The following LRRC37A2 variants were observed in gnomAD, a reference collection of about 807,000 sequenced individuals.
The protein encoded by LRRC37A2 is leucine rich repeat containing 37 member A2.
LRRC37A2 carries 9 observed loss-of-function variants against 68.8 expected under a neutral mutation model. The ratio of observed to expected loss-of-function variants is 0.13; its 90% CI spans 0.08 to 0.23. LRRC37A2 has a LOEUF of 0.23. Ranked by LOEUF, LRRC37A2 falls within the 10% of genes least tolerant of loss-of-function variation. The pLI, the probability that LRRC37A2 is intolerant of heterozygous loss-of-function variation, is 1.00. For synonymous variants in LRRC37A2, 63 were observed against 367.6 expected, an observed-to-expected ratio of 0.17 and a Z score of 9.48; for missense variants, 168 against 950.4, an observed-to-expected ratio of 0.18 and a Z score of 10.82.
At chr17:46,940,251 T>C in the LRRC37A2 span, 1 of 1,422,886 alleles carries the variant, frequency 7.0e-7, no homozygotes. Context: ...ATTTCACACT[T>C]TCGGTTGGAG....
chr17:47,033,149 G>A, the LRRC37A2 span: 3 of 586,772 alleles, frequency 5.1e-6, no homozygotes, highest in Non-Finnish European at 8.9e-6. Flanking sequence ...TCCAGGAGGT[G>A]GAGTTTGCAG....
the LRRC37A2 span, among the ~76,000 whole-genome samples, chr17:46,891,522 G>C: frequency 5.9e-5 from 9 of 152,194 alleles, no homozygotes; most frequent in Non-Finnish European, 1.3e-4. Flanking sequence ...CAAGATCTGA[G>C]AGGCTTCCAA....
At chr17:46,747,384 G>A in the LRRC37A2 span, among the ~76,000 whole-genome samples, 1 of 152,064 alleles carries the variant, frequency 6.6e-6, no homozygotes, top group East Asian at 1.9e-4. Context: ...TGGCTCAAGC[G>A]ATCTGCTCAC....
chr17:46,971,733 C>G, the LRRC37A2 span, among the ~76,000 whole-genome samples: 134,105 of 152,252 alleles, frequency 0.88, 61,048 homozygotes, highest in East Asian at 1. Flanking sequence ...TCCTGCACCC[C>G]GACCTGCCTG....
the LRRC37A2 span, among the ~76,000 whole-genome samples, chr17:46,881,069 G>A: frequency 3.9e-5 from 6 of 152,310 alleles, no homozygotes; most frequent in African/African-American, 1.2e-4. Context: ...AACATGCTTT[G>A]GGAGGCCTCG....
At chr17:46,986,435 G>C in the LRRC37A2 span, among the ~76,000 whole-genome samples, 2 of 152,186 alleles carry the variant, frequency 1.3e-5, no homozygotes, top group Non-Finnish European at 2.9e-5. Context: ...TTCCTTTACA[G>C]CTCTGACATT....
chr17:46,970,926 A>G, the LRRC37A2 span, among the ~76,000 whole-genome samples: 3 of 152,250 alleles, frequency 2.0e-5, no homozygotes, highest in African/African-American at 7.2e-5. Context: ...AATTCTATCG[A>G]TCCCTCAAAA....
chr17:46,970,831 C>A, the LRRC37A2 span, among the ~76,000 whole-genome samples: 1 of 152,222 alleles, frequency 6.6e-6, no homozygotes, highest in South Asian at 2.1e-4. Flanking sequence ...TCATCATACA[C>A]TGATAAGTGA....
the LRRC37A2 span, chr17:46,929,447 A>G: frequency 9.8e-6 from 8 of 817,434 alleles, no homozygotes; most frequent in Admixed American, 5.1e-5. Flanking sequence ...TGGCATCAGA[A>G]AAATTGTCTT....
chr17:46,852,006 G>A, the LRRC37A2 span, among the ~76,000 whole-genome samples: 1 of 152,004 alleles, frequency 6.6e-6, no homozygotes, highest in African/African-American at 2.4e-5. Flanking sequence ...CGCACGCCTC[G>A]GACCCTGGCC....
the LRRC37A2 span, chr17:46,818,813 A>G: frequency 1.5e-5 from 9 of 615,882 alleles, no homozygotes; most frequent in Admixed American, 8.1e-5. Flanking sequence ...GGCCTAAGGT[A>G]AGAGATGAGT....
At chr17:46,896,995 G>A in the LRRC37A2 span, among the ~76,000 whole-genome samples, 3 of 152,148 alleles carry the variant, frequency 2.0e-5, no homozygotes, top group African/African-American at 4.8e-5. Context: ...ACTCTCCCAC[G>A]TTCCTGAGGG....
chr17:46,921,352 C>A, the LRRC37A2 span: 5 of 152,144 alleles, frequency 3.3e-5, no homozygotes, highest in African/African-American at 9.7e-5. Flanking sequence ...TAAAGACTTA[C>A]ATGTTAGACC....
At chr17:46,721,072 A>G in the LRRC37A2 span, among the ~76,000 whole-genome samples, 3 of 152,182 alleles carry the variant, frequency 2.0e-5, no homozygotes, top group African/African-American at 7.2e-5. Context: ...TGAGCACCAC[A>G]TTCAGACCTG....
chr17:46,944,812 C>T, the LRRC37A2 span, among the ~76,000 whole-genome samples: 1 of 152,064 alleles, frequency 6.6e-6, no homozygotes, highest in Non-Finnish European at 1.5e-5. Flanking sequence ...GTTGGGCAGG[C>T]TGGTCTCGAA....
chr17:46,586,396 A>T, the LRRC37A2 span, among the ~76,000 whole-genome samples: 4 of 20,106 alleles, frequency 2.0e-4, 1 homozygote, highest in African/African-American at 2.5e-4. Flanking sequence ...ACACACACAC[A>T]CACACACACA....
the LRRC37A2 span, among the ~76,000 whole-genome samples, chr17:46,891,893 TTTTTCTTTTC>T: frequency 1.4e-4 from 19 of 132,388 alleles, no homozygotes; most frequent in East Asian, 6.5e-4. Context: ...TTTTACTCTT[TTTTTCTTTTC>T]TTTTCTTTTC....
At chr17:46,726,563 G>A in the LRRC37A2 span, 8 of 1,613,730 alleles carry the variant, frequency 5.0e-6, no homozygotes, top group Admixed American at 3.3e-5. Context: ...TTGATGATGC[G>A]TACAAATCCC....
At chr17:46,785,149 C>T in the LRRC37A2 span, among the ~76,000 whole-genome samples, 1 of 152,226 alleles carries the variant, frequency 6.6e-6, no homozygotes, top group Non-Finnish European at 1.5e-5. Flanking sequence ...GGACCCCTCT[C>T]TGACCACACA....
Sources: allele counts gnomAD v4.1 joint callset (sites outside exome capture counted in the v4.1 genomes callset), GRCh38; gene constraint gnomAD v4.1.1; transcripts MANE v1.5; gene names NCBI Gene and HGNC (gene_info 2026-07-23, HGNC 2026-07-21).